PDPR: variants seen among roughly 807,000 people sequenced by gnomAD.
PDPR encodes pyruvate dehydrogenase phosphatase regulatory subunit, mitochondrial.
In PDPR, 50 loss-of-function variants were observed where a neutral mutation model predicts 102.2. The observed-to-expected ratio is 0.49, with a 90% CI of 0.39 to 0.62. The LOEUF is 0.62. Ranked by LOEUF, PDPR falls within the 20% of genes least tolerant of loss-of-function variation. The pLI is 0.00. For synonymous variants in PDPR, 259 were observed against 406.0 expected, an observed-to-expected ratio of 0.64 and a Z score of 4.35; for missense variants, 625 against 1,098.2, an observed-to-expected ratio of 0.57 and a Z score of 6.09.
rs1242408409 is a variant in PDPR at position 70,142,254 on chromosome 16, G to A, written c.1336G>A (p.Val446Ile). ...TCTAGCTTTGATGTATGATCTGAAGGTTCCCCGCTGGGACTTCCAGACCGG... is the reference window on the plus strand; with the variant it reads ...TCTAGCTTTGATGTATGATCTGAAGATTCCCCGCTGGGACTTCCAGACCGG... ...EVMPLMYDLKVPRWDFQTGRQ... is the reference protein window; with the variant it reads ...EVMPLMYDLKIPRWDFQTGRQ... The change falls in exon 12 of 19, where the codon GTT becomes ATT. Residue 446 changes from valine to isoleucine, a missense_variant. Physicochemically the swap from Val to Ile is conservative, Grantham distance 29. Transcript: ENST00000288050. The A allele has an allele frequency of 1.9e-6, 3 of 1,613,856 alleles. No homozygotes were observed. Among genetic ancestry groups the A allele is most frequent in the African/African-American group, 2.7e-5 (2 of 74,946 alleles).
rs1191786229 is a variant in PDPR, at chr16:70,159,361, G to A, written c.*2482G>A. 1 of 152,552 alleles carries A rather than the reference G, an allele frequency of 6.6e-6. No homozygotes were observed. Among genetic ancestry groups the A allele is most frequent in the Non-Finnish European group, 1.5e-5 (1 of 68,232 alleles). 9.4% of individuals were successfully genotyped at this position (152,552 alleles called of 1,614,324 possible). On this transcript the variant is annotated 3_prime_UTR_variant, in exon 19 of 19. Coordinates refer to ENST00000288050, the MANE Select transcript of PDPR (RefSeq NM_017990.5). ...GTCTTGCTAGGAGAGGAGGATGGGG[G>A]GCTGAGCACTCAGGCTGTCCATTGA...
chr16:70,140,472 T>TA (rs1965595838), intron 11 of PDPR, among the ~76,000 whole-genome samples: 2 of 152,336 alleles, frequency 1.3e-5, no homozygotes, highest in Admixed American at 6.5e-5. Flanking sequence ...TGCTTGGTGA[T>TA]ATGACACTTT....
At chr16:70,114,131 A>C (rs1484628083), upstream of PDPR, 1 of 152,148 alleles carries the variant, frequency 6.6e-6, no homozygotes, top group Non-Finnish European at 1.5e-5. Context: ...GAGGGTGGCA[A>C]AGAGGCCGCG....
At chr16:70,138,593 A>G (rs1455067620) in intron 10 of PDPR, among the ~76,000 whole-genome samples, 8 of 151,910 alleles carry the variant, frequency 5.3e-5, no homozygotes, top group Admixed American at 4.6e-4. Context: ...ACTTCAAGCA[A>G]TCTCCTGCCT....
chr16:70,137,273 G>A (rs1238867212), intron 10 of PDPR, among the ~76,000 whole-genome samples: 3 of 152,168 alleles, frequency 2.0e-5, no homozygotes, highest in African/African-American at 2.4e-5. Context: ...GGAGAATGGC[G>A]TGAACCCAGG....
intron 11 of PDPR, among the ~76,000 whole-genome samples, chr16:70,141,307 C>T (rs1965688689): frequency 6.6e-6 from 1 of 152,264 alleles, no homozygotes; most frequent in South Asian, 2.1e-4. Flanking sequence ...CCACCTCGAC[C>T]TCTCAGTGCT....
rs1966469613 is a variant in PDPR at position 70,148,890 on chromosome 16, ATAAT to A, written c.2052+343_2052+346del. ...TTGTATGCATATTGCAAGCAAATTC[ATAAT>A]TAATTTTTTTTTTTTTTTGAGACAG... On this transcript the variant is annotated intron_variant, in intron 17 of 18. Coordinates refer to ENST00000288050, the MANE Select transcript of PDPR (RefSeq NM_017990.5). Among the ~76,000 whole-genome samples the A allele has an allele frequency of 4.0e-5, 6 of 151,706 alleles. 1 individual carries two copies. The South Asian group carries it at 1.2e-3, about 32-fold the overall frequency.
Position 70,146,204 on chromosome 16 carries a change from C to T in PDPR, c.1938C>T (p.Asp646=), listed in dbSNP as rs753939393. Residue 646 remains aspartate (D), a synonymous_variant, in exon 16 of 19, where the codon GAC becomes GAT. Transcript: ENST00000288050. The part of the protein sequence containing the change: ...SELSYAPMTP[D]HFPSLFCKEM... ...TGTCCTATGCCCCTATGACTCCAGACCACTTCCCAAGCCTCTTTTGCAAGG... is the reference window on the plus strand; with the variant it reads ...TGTCCTATGCCCCTATGACTCCAGATCACTTCCCAAGCCTCTTTTGCAAGG... 3.7e-6 allele frequency: 6 copies of T among 1,613,696 alleles called. No individual in the cohort carries two copies. In the African/African-American group the frequency reaches 8.0e-5, roughly 22 times the overall value.
At chr16:70,135,323 G>A (rs2911018) in intron 9 of PDPR, among the ~76,000 whole-genome samples, 59 of 149,246 alleles carry the variant, frequency 4.0e-4, no homozygotes, top group Admixed American at 2.1e-3. Flanking sequence ...TTCAACCTCC[G>A]CCTCTCAGAT....
At chr16:70,163,339 T>A (rs1437733789), downstream of PDPR, among the ~76,000 whole-genome samples, 1 of 152,238 alleles carries the variant, frequency 6.6e-6, no homozygotes, top group Non-Finnish European at 1.5e-5. Flanking sequence ...CTCTTCATCT[T>A]GTCTTCTAAA....
intron 11 of PDPR, among the ~76,000 whole-genome samples, chr16:70,139,832 C>G (rs1354901790): frequency 1.3e-5 from 2 of 152,234 alleles, no homozygotes; most frequent in Non-Finnish European, 2.9e-5. Flanking sequence ...GACTAAGTTT[C>G]TGTGTTGGCT....
rs1397945267 is a variant in PDPR, at chr16:70,148,563, C to T, written c.2052+10C>T. 1.2e-6 allele frequency: 2 copies of T among 1,605,094 alleles called. No individual in the cohort carries two copies. The highest frequency in any genetic ancestry group is 1.7e-6 in the Non-Finnish European group (2 of 1,173,168). On this transcript the variant is annotated intron_variant, in intron 17 of 18. Transcript: ENST00000288050. ...CTACATCCCCATAGAGGTGAGAGGG[C>T]ACCCTTCCCTTCCCTTCCCTTCACT...
Position 70,142,223 on chromosome 16 carries a change from G to T in PDPR, c.1316-11G>T. 6.2e-7 allele frequency: 1 copy of T among 1,613,412 alleles called. No individual in the cohort carries two copies. The highest frequency in any genetic ancestry group is 1.7e-4 in the Middle Eastern group (1 of 6,050). On this transcript the variant is annotated splice_polypyrimidine_tract_variant and intron_variant, in intron 11 of 18. Coordinates refer to ENST00000288050, the MANE Select transcript of PDPR (RefSeq NM_017990.5). ...TCTTGGGCTTTGATAGACTACTCGT[G>T]TCTTTTCTAGCTTTGATGTATGATC... is the stretch of plus-strand genomic sequence containing the variant.
Position 70,157,591 on chromosome 16 carries a change from TATA to T in PDPR, c.*717_*719del, listed in dbSNP as rs1336568961. On this transcript the variant is annotated 3_prime_UTR_variant, in exon 19 of 19. Transcript: ENST00000288050. Reference sequence around the variant, plus strand: ...ATTTTCTTCATCTCTTGCTAATCTCTATAATAAGGTTGCTTTTTCTTTCTTAGT... The same window carrying T: ...ATTTTCTTCATCTCTTGCTAATCTCTATAAGGTTGCTTTTTCTTTCTTAGT... 8.4e-4 allele frequency: 152 copies of T among 181,310 alleles called. No homozygotes were observed. The highest frequency in any genetic ancestry group is 3.4e-3 in the African/African-American group (142 of 41,916). 11.2% of individuals were successfully genotyped at this position (181,310 alleles called of 1,614,324 possible).
intron 8 of PDPR, 25 bp downstream of exon 8, chr16:70,131,444 A>T (rs1964528597): frequency 6.9e-7 from 1 of 1,456,322 alleles, no homozygotes; most frequent in Non-Finnish European, 9.5e-7. Context: ...TTTTTTAAAA[A>T]ATCTTGTTTC....
At chr16:70,134,254 C>CT (rs1449045042) in intron 9 of PDPR, among the ~76,000 whole-genome samples, 5 of 151,988 alleles carry the variant, frequency 3.3e-5, no homozygotes, top group Admixed American at 6.5e-5. Context: ...GAGATGGAGT[C>CT]TTGCTCTGTT....
At chr16:70,116,851 T>G (rs1269941389) in intron 2 of PDPR, among the ~76,000 whole-genome samples, 2 of 152,156 alleles carry the variant, frequency 1.3e-5, no homozygotes. Context: ...CTAAAGTTTT[T>G]TTTTTAATTC....
intron 9 of PDPR, among the ~76,000 whole-genome samples, chr16:70,135,067 C>T (rs1265604114): frequency 6.6e-6 from 1 of 152,188 alleles, no homozygotes; most frequent in Non-Finnish European, 1.5e-5. Context: ...TATGTGTCTA[C>T]TAAACAAACC....
intron 7 of PDPR, among the ~76,000 whole-genome samples, chr16:70,130,977 C>T (rs1219636933): frequency 6.6e-6 from 1 of 152,270 alleles, no homozygotes; most frequent in African/African-American, 2.4e-5. Flanking sequence ...AATACTTTTG[C>T]CATGTGAAGT....
Sources: gnomAD v4.1 joint callset for allele counts (sites outside exome capture counted in the v4.1 genomes callset) on GRCh38, gnomAD v4.1.1 for gene constraint, MANE v1.5 for transcripts, NCBI Gene and HGNC (gene_info 2026-07-23, HGNC 2026-07-21) for gene names.